LRRC63: variants seen among roughly 807,000 people sequenced by gnomAD.
LRRC63 encodes the protein leucine rich repeat containing 63.
In LRRC63, 40 loss-of-function variants were observed where a neutral mutation model predicts 49.5. That is an observed-to-expected ratio of 0.81 (90% CI 0.63 to 1.05). The LOEUF (loss-of-function observed/expected upper bound fraction) is 1.05, where lower values mean the gene tolerates loss of function less well. Ranked by LOEUF, LRRC63 falls within the 50% of genes least tolerant of loss-of-function variation. The probability of loss-of-function intolerance (pLI) is 0.00; values close to 1 mark genes in which losing one functional copy is unlikely to be tolerated. For missense variants in LRRC63, 636 were observed against 663.1 expected, an observed-to-expected ratio of 0.96 and a Z score of 0.45; for synonymous variants, 191 against 221.1, an observed-to-expected ratio of 0.86 and a Z score of 1.21.
chr13:46,220,412 GA>G (rs1361233408), intron 2 of LRRC63, among the ~76,000 whole-genome samples: 2 of 152,120 alleles, frequency 1.3e-5, no homozygotes, highest in African/African-American at 4.8e-5. Context: ...ACTGTGCAGG[GA>G]AAACTGCCTA....
intron 2 of LRRC63, among the ~76,000 whole-genome samples, chr13:46,220,051 G>A (rs149314868): frequency 0.017 from 2,541 of 152,310 alleles, 82 homozygotes; most frequent in African/African-American, 0.058. Flanking sequence ...CCCCTGCTGG[G>A]AGGTGTCTCC....
intron 2 of LRRC63, among the ~76,000 whole-genome samples, chr13:46,223,493 T>G (rs184358360): frequency 1.2e-4 from 18 of 151,788 alleles, no homozygotes; most frequent in East Asian, 7.7e-4. Context: ...TGTTTTTTTT[T>G]TTTTTTAATT....
In LRRC63 at chr13:46,225,604, T is replaced by G. The variant is rs144745681; in HGVS notation, c.86-1908T>G. On this transcript the variant is annotated intron_variant, in intron 2 of 9. Coordinates refer to ENST00000595396, the Ensembl canonical transcript of LRRC63. ...GAGTCTATTGAAGCGTTTGCTGTGTTAATGTGTTTTGTTTTAATAGAGAGA... is the reference window on the plus strand; with the variant it reads ...GAGTCTATTGAAGCGTTTGCTGTGTGAATGTGTTTTGTTTTAATAGAGAGA... Among the ~76,000 whole-genome samples the G allele has an allele frequency of 4.6e-3, 708 of 152,346 alleles. 6 individuals carry two copies. Among genetic ancestry groups the G allele is most frequent in the African/African-American group, 0.016 (669 of 41,584 alleles).
chr13:46,227,624 A>G (rs1005527055), exon 3 of LRRC63: 14 of 1,550,104 alleles, frequency 9.0e-6, no homozygotes, highest in East Asian at 4.9e-5. Flanking sequence ...AATCACTAAC[A>G]CCTATCAATA....
chr13:46,239,954 C>T (rs1335666438), intron 5 of LRRC63, among the ~76,000 whole-genome samples: 3 of 152,080 alleles, frequency 2.0e-5, no homozygotes, highest in Admixed American at 1.3e-4. Context: ...TTCAACATCA[C>T]TACATGTTAA....
chr13:46,229,815 A>G (rs983670115), intron 4 of LRRC63, among the ~76,000 whole-genome samples: 2 of 152,176 alleles, frequency 1.3e-5, no homozygotes, highest in African/African-American at 2.4e-5. Context: ...TAGGGAAGAA[A>G]GACTTAATTG....
At chr13:46,257,240 G>A (rs1449654792) in intron 7 of LRRC63, among the ~76,000 whole-genome samples, 1 of 152,148 alleles carries the variant, frequency 6.6e-6, no homozygotes, top group African/African-American at 2.4e-5. Context: ...TTCTACAGCC[G>A]GAAAGAACTG....
intron 9 of LRRC63, among the ~76,000 whole-genome samples, chr13:46,268,981 T>C (rs1459244170): frequency 7.8e-6 from 1 of 128,736 alleles, no homozygotes; most frequent in Non-Finnish European, 1.7e-5. Flanking sequence ...AAAACATTTA[T>C]GGAAAAAGCT....
chr13:46,250,886 G>A (rs549318524), intron 7 of LRRC63, among the ~76,000 whole-genome samples: 1 of 151,930 alleles, frequency 6.6e-6, no homozygotes, highest in South Asian at 2.1e-4. Flanking sequence ...TCTGGAGAAA[G>A]TAATTTAACC....
intron 8 of LRRC63, among the ~76,000 whole-genome samples, chr13:46,264,775 G>C (rs1174088028): frequency 6.6e-6 from 1 of 152,208 alleles, no homozygotes; most frequent in Non-Finnish European, 1.5e-5. Context: ...TGCTAAGAAA[G>C]TGAGTGGTGG....
rs2047360143 is a variant in LRRC63 at position 46,250,861 on chromosome 13, T to C, written c.1226+370T>C. ...AGTCCTTTGACTTTAAAGTTGATGA[T>C]AATTATATATTTGATCTGGAGAAAG... is the stretch of plus-strand genomic sequence containing the variant. On this transcript the variant is annotated intron_variant, in intron 7 of 9. Transcript: ENST00000595396. Among the ~76,000 whole-genome samples, 3 of 151,884 alleles carry C rather than the reference T, an allele frequency of 2.0e-5. No individual in the cohort carries two copies. The South Asian group carries it at 6.2e-4, about 31-fold the overall frequency.
chr13:46,243,880 G>A (rs1399953365), intron 5 of LRRC63, among the ~76,000 whole-genome samples: 1 of 152,084 alleles, frequency 6.6e-6, no homozygotes, highest in South Asian at 2.1e-4. Context: ...CATTGATAAA[G>A]AATAAATCTT....
chr13:46,220,818 T>C (rs1189806810), intron 2 of LRRC63, among the ~76,000 whole-genome samples: 1 of 152,056 alleles, frequency 6.6e-6, no homozygotes, highest in Non-Finnish European at 1.5e-5. Context: ...GAGTGCACCA[T>C]TCCTCACGGC....
intron 7 of LRRC63, among the ~76,000 whole-genome samples, chr13:46,251,299 AAAG>A (rs1471839648): frequency 6.6e-6 from 1 of 151,922 alleles, no homozygotes; most frequent in Non-Finnish European, 1.5e-5. Flanking sequence ...CAGTTATTTA[AAAG>A]AATAAGAAAT....
intron 8 of LRRC63, among the ~76,000 whole-genome samples, chr13:46,263,480 A>C (rs1280621849): frequency 3.3e-5 from 5 of 151,788 alleles, no homozygotes; most frequent in Admixed American, 3.3e-4. Flanking sequence ...CTAATCTGCT[A>C]TTTGGCTATC....
At chr13:46,245,084 A>C (rs1926000) in intron 5 of LRRC63, among the ~76,000 whole-genome samples, 1 of 151,956 alleles carries the variant, frequency 6.6e-6, no homozygotes, top group Non-Finnish European at 1.5e-5. Context: ...ATACTAAAGA[A>C]AAAGAATATT....
chr13:46,228,647 TG>T lies in LRRC63; in HGVS notation c.764-17del. On this transcript the variant is annotated splice_polypyrimidine_tract_variant and intron_variant, in intron 3 of 9. Transcript: ENST00000595396. ...TACAAATATCCAAAGTCATCCCATT[TG>T]TTTTTCATTTTTCTAGAAACTCTTG... is the stretch of plus-strand genomic sequence containing the variant. 6.8e-7 allele frequency: 1 copy of T among 1,466,020 alleles called. No individual in the cohort carries two copies. Among genetic ancestry groups the T allele is most frequent in the Non-Finnish European group, 9.3e-7 (1 of 1,072,198 alleles). The allele number at this position is 1,466,020 out of a possible 1,614,324, so 90.8% of individuals were successfully genotyped here. A position where few individuals can be genotyped will look rare whatever the true frequency, so the allele number is the denominator to read the frequency against.
intron 8 of LRRC63, among the ~76,000 whole-genome samples, chr13:46,265,897 G>A (rs557417406): frequency 6.6e-6 from 1 of 152,276 alleles, no homozygotes; most frequent in Admixed American, 6.5e-5. Context: ...TAGCCTCATT[G>A]TTTTCAATAC....
At chr13:46,274,850 G>A (rs939443212) in intron 9 of LRRC63, among the ~76,000 whole-genome samples, 3 of 151,880 alleles carry the variant, frequency 2.0e-5, no homozygotes, top group African/African-American at 7.3e-5. Context: ...TCTTTGTGTT[G>A]TGAACATTTA....
Sources: gnomAD v4.1 joint callset for allele counts (sites outside exome capture counted in the v4.1 genomes callset) on GRCh38, gnomAD v4.1.1 for gene constraint, MANE v1.5 for transcripts, NCBI Gene and HGNC (gene_info 2026-07-23, HGNC 2026-07-21) for gene names.